The following JAKMIP3 variants were observed in gnomAD, a reference collection of about 807,000 sequenced individuals.
JAKMIP3 encodes janus kinase and microtubule-interacting protein 3.
In JAKMIP3, 58 loss-of-function variants were observed where a neutral mutation model predicts 118.5. The ratio of observed to expected loss-of-function variants is 0.49; its 90% CI spans 0.40 to 0.61. JAKMIP3 has a LOEUF of 0.61. JAKMIP3 is among the 20% of genes least tolerant of loss of function. The probability of loss-of-function intolerance (pLI) is 0.00; values close to 1 mark genes in which losing one functional copy is unlikely to be tolerated. For missense variants in JAKMIP3, 950 were observed against 1,109.0 expected, an observed-to-expected ratio of 0.86 and a Z score of 2.04; for synonymous variants, 486 against 451.2, an observed-to-expected ratio of 1.08 and a Z score of -0.98.
intron 1 of JAKMIP3, among the ~76,000 whole-genome samples, chr10:132,099,966 G>A (rs937994869): frequency 3.9e-5 from 6 of 152,310 alleles, no homozygotes; most frequent in South Asian, 2.1e-4. Flanking sequence ...TGTGATTCCC[G>A]GTGAAGGGAC....
At chr10:132,167,419 T>C (rs1590018165) in intron 22 of JAKMIP3, among the ~76,000 whole-genome samples, 1 of 152,124 alleles carries the variant, frequency 6.6e-6, no homozygotes, top group South Asian at 2.1e-4. Flanking sequence ...GACACGGTGG[T>C]TCTGTGATTC....
chr10:132,167,871 C>G lies in JAKMIP3; in HGVS notation c.*23-82C>G, dbSNP rs1251811383. On this transcript the variant is annotated intron_variant, in intron 22 of 23. Transcript: ENST00000684848. ...CTCGCCCCTCACCCCTCGGCCCTCG[C>G]CCCTCGCCCCTCGGCCCTCGCCCCT... 10 of 1,091,076 alleles carry G rather than the reference C, an allele frequency of 9.2e-6. No homozygotes were observed. In the Middle Eastern group the frequency reaches 7.0e-4, roughly 77 times the overall value. The allele number at this position is 1,091,076 out of a possible 1,614,324, so 67.6% of individuals were successfully genotyped here.
At chr10:132,060,748 A>C (rs1290560306), upstream of JAKMIP3, among the ~76,000 whole-genome samples, 1 of 152,234 alleles carries the variant, frequency 6.6e-6, no homozygotes, top group African/African-American at 2.4e-5. Flanking sequence ...GGCCAGGTGC[A>C]GTGGCTCACG....
intron 1 of JAKMIP3, among the ~76,000 whole-genome samples, chr10:132,073,412 C>T (rs572702799): frequency 6.6e-6 from 1 of 152,182 alleles, no homozygotes; most frequent in East Asian, 1.9e-4. Flanking sequence ...GTCTCAATCT[C>T]CTGACCTTGT....
chr10:132,046,333 G>A (rs1216925554), intron 1 of JAKMIP3, among the ~76,000 whole-genome samples: 1 of 152,174 alleles, frequency 6.6e-6, no homozygotes, highest in African/African-American at 2.4e-5. Flanking sequence ...GCGGGCACCT[G>A]TAGTCCCAGC....
At chr10:132,166,448 C>T (rs1049026727) in intron 21 of JAKMIP3, among the ~76,000 whole-genome samples, 2 of 152,200 alleles carry the variant, frequency 1.3e-5, no homozygotes, top group African/African-American at 2.4e-5. Flanking sequence ...CGACCCCCAG[C>T]CCAGAGTGAG....
At position 132,149,419 on chromosome 10, in the gene JAKMIP3, A is replaced by G. The variant is rs2055375410; in HGVS notation, c.1856A>G (p.Glu619Gly). The change falls in exon 15 of 24, where the codon GAG becomes GGG. Residue 619 changes from glutamate to glycine, a missense_variant. Physicochemically the swap from Glu to Gly is moderately conservative, Grantham distance 98. Transcript: ENST00000684848. ...EFRILELEER[E>G]RKSPAISFHH... ...TCTGTCCCTCTGTCCTAGGAGAGGGAGAGGAAGTCACCCGCCATCAGCTTC... is the reference window on the plus strand; with the variant it reads ...TCTGTCCCTCTGTCCTAGGAGAGGGGGAGGAAGTCACCCGCCATCAGCTTC... 1 of 1,598,906 alleles carries G rather than the reference A, an allele frequency of 6.3e-7. No homozygotes were observed. The highest frequency in any genetic ancestry group is 8.5e-7 in the Non-Finnish European group (1 of 1,173,010).
chr10:132,117,194 A>C lies in JAKMIP3; in HGVS notation c.253A>C (p.Lys85Gln). 1 of 1,613,946 alleles carries C rather than the reference A, an allele frequency of 6.2e-7. No individual in the cohort carries two copies. Among genetic ancestry groups the C allele is most frequent in the Non-Finnish European group, 8.5e-7 (1 of 1,179,896 alleles). ...GACAAAGCTGCACGAGGAGAAGATG[A>C]AGGAGCTACAGGCTGTGCGTGAGAC... The part of the protein sequence containing the change: ...LKTKLHEEKM[K>Q]ELQAVRETLL... The change falls in exon 3 of 24, where the codon AAG becomes CAG. Residue 85 changes from lysine to glutamine, a missense_variant. Physicochemically the swap from Lys to Gln is moderately conservative, Grantham distance 53 (BLOSUM62 1). Coordinates refer to ENST00000684848, the MANE Select transcript of JAKMIP3 (RefSeq NM_001323087.2). This position sits in a 1 kb window ranked among gnomAD's most constrained non-coding sequence, Gnocchi z 8.6.
chr10:132,167,891 G>GCCCCTCA (rs2059116304), intron 22 of JAKMIP3, 62 bp from the exon 23 acceptor site: 2 of 1,213,736 alleles, frequency 1.6e-6, no homozygotes, highest in Non-Finnish European at 2.2e-6. Flanking sequence ...CTCGGCCCTC[G>GCCCCTCA]CCCCTCACTC....
intron 1 of JAKMIP3, among the ~76,000 whole-genome samples, chr10:132,090,050 G>A (rs1368735348): frequency 6.6e-6 from 1 of 152,210 alleles, no homozygotes; most frequent in African/African-American, 2.4e-5. Flanking sequence ...TGCATCCCAA[G>A]GATGAAGCCC....
rs1590004402 is a variant in JAKMIP3, at chr10:132,049,669, G to A, written c.-138+12931G>A. Among the ~76,000 whole-genome samples, 1 of 152,016 alleles carries A rather than the reference G, an allele frequency of 6.6e-6. No individual in the cohort carries two copies. The highest frequency in any genetic ancestry group is 1.9e-4 in the East Asian group (1 of 5,174). ...CTTGTGTTTTTTCTTTTTTAAAAGTGGGGGAGGTCTCACTATGCTGCCCAG... is the reference window on the plus strand; with the variant it reads ...CTTGTGTTTTTTCTTTTTTAAAAGTAGGGGAGGTCTCACTATGCTGCCCAG... On this transcript the variant is annotated intron_variant, in intron 1 of 23. Transcript: ENST00000657785. This position sits in a 1 kb window ranked among gnomAD's most constrained non-coding sequence, Gnocchi z 4.3.
At chr10:132,074,125 C>T (rs1265917224) in intron 1 of JAKMIP3, among the ~76,000 whole-genome samples, 1 of 152,226 alleles carries the variant, frequency 6.6e-6, no homozygotes, top group Non-Finnish European at 1.5e-5. Context: ...AATCTCGGCT[C>T]ATTGCAACCT....
intron 1 of JAKMIP3, among the ~76,000 whole-genome samples, chr10:132,097,987 T>TTTCCCC (rs2044246535): frequency 9.8e-6 from 1 of 101,712 alleles, no homozygotes; most frequent in African/African-American, 3.2e-5. Context: ...CCCCTTCCCC[T>TTTCCCC]TCCCCTTCCC....
intron 3 of JAKMIP3, among the ~76,000 whole-genome samples, chr10:132,120,622 G>T (rs1378048962): frequency 6.6e-6 from 1 of 152,252 alleles, no homozygotes; most frequent in Non-Finnish European, 1.5e-5. Context: ...GAGGGCATCA[G>T]CTGTGGTGAG....
At position 132,101,205 on chromosome 10, in the gene JAKMIP3, T is replaced by C. The variant is rs1105713; in HGVS notation, c.-137-3467T>C. Among the ~76,000 whole-genome samples the C allele has an allele frequency of 6.7e-3, 1,025 of 152,170 alleles. 9 individuals carry two copies. Among genetic ancestry groups the C allele is most frequent in the African/African-American group, 0.023 (971 of 41,482 alleles). ...CTGCAATGTAGACAAGGTTTTAGCT[T>C]TCTATACTTTCCCTCCTCCAAAGTG... On this transcript the variant is annotated intron_variant, in intron 1 of 23. Transcript: ENST00000684848.
In JAKMIP3 at chr10:132,117,439, G is replaced by C. The variant is rs1001581323; in HGVS notation, c.498G>C (p.Arg166Ser). The change falls in exon 3 of 24, where the codon AGG (arginine) becomes AGC (serine). Residue 166 changes from arginine (R) to serine (S), a missense_variant. Physicochemically the swap from Arg to Ser is moderately radical, Grantham distance 110. Coordinates refer to ENST00000684848, the MANE Select transcript of JAKMIP3 (RefSeq NM_001323087.2). The surrounding 1 kb of genome is among the most constrained non-coding windows in gnomAD (Gnocchi z 8.6). ...TCTCCGAGCTCAAGGGCGCCAAAAG[G>C]CAGGTGGAGGAGGCGCTGACGCTGG... ...QEISELKGAK[R>S]QVEEALTLVI... is the part of the protein sequence containing the mutation. The C allele has an allele frequency of 5.6e-6, 9 of 1,613,860 alleles. No individual in the cohort carries two copies. Among genetic ancestry groups the C allele is most frequent in the Non-Finnish European group, 6.8e-6 (8 of 1,179,908 alleles).
At chr10:132,107,298 A>G (rs900424749) in intron 2 of JAKMIP3, among the ~76,000 whole-genome samples, 5 of 152,206 alleles carry the variant, frequency 3.3e-5, no homozygotes, top group African/African-American at 1.2e-4. Flanking sequence ...TTTTTTGTGC[A>G]GTTTTGCCAA....
intron 23 of JAKMIP3, among the ~76,000 whole-genome samples, chr10:132,181,980 TAAA>T (rs1340565044): frequency 1.3e-5 from 2 of 152,184 alleles, no homozygotes; most frequent in African/African-American, 4.8e-5. Context: ...GGAAAGGTAA[TAAA>T]AACTTTGAAC....
chr10:132,177,227 T>G (rs954001323), intron 23 of JAKMIP3, among the ~76,000 whole-genome samples: 1 of 152,224 alleles, frequency 6.6e-6, no homozygotes, highest in Non-Finnish European at 1.5e-5. Flanking sequence ...GGGCCGTTAA[T>G]AGGGGATGTC....
Sources: gnomAD v4.1 joint callset for allele counts (sites outside exome capture counted in the v4.1 genomes callset) on GRCh38, gnomAD v4.1.1 for gene constraint, Gnocchi (gnomAD v3.1) non-coding constraint, MANE v1.5 for transcripts, NCBI Gene and HGNC (gene_info 2026-07-23, HGNC 2026-07-21) for gene names.